Variants in GRAMD1B observed in about 807,000 individuals in gnomAD.
GRAMD1B encodes protein Aster-B.
GRAMD1B carries 37 observed loss-of-function variants against 99.7 expected under a neutral mutation model. That is an observed-to-expected ratio of 0.37 (90% CI 0.29 to 0.49). The LOEUF is 0.49. GRAMD1B is among the 20% of genes least tolerant of loss of function. GRAMD1B has a pLI of 0.98. For missense variants in GRAMD1B, 888 were observed against 1,009.2 expected, an observed-to-expected ratio of 0.88 and a Z score of 1.63; for synonymous variants, 427 against 387.6, an observed-to-expected ratio of 1.10 and a Z score of -1.19.
Position 123,622,537 on chromosome 11 carries a change from G to T in GRAMD1B, c.2576G>T (p.Gly859Val). The T allele has an allele frequency of 6.4e-7, 1 of 1,558,570 alleles. No homozygotes were observed. The highest frequency in any genetic ancestry group is 1.2e-5 in the South Asian group (1 of 84,346). Residue 859 changes from glycine to valine, a missense_variant, in exon 20 of 20, where the codon GGC becomes GTC. Gly to Val is a moderately radical substitution (Grantham distance 109, BLOSUM62 -3). Coordinates refer to ENST00000635736, the MANE Select transcript of GRAMD1B (RefSeq NM_001387025.1). ...MKDSLINLQN[G>V]IRSRDYTSES... ...GACTCGCTCATCAACCTTCAGAACG[G>T]CATCAGGTCCCGCGACTACACGTCG...
At chr11:123,564,099 G>A (rs772250286) in intron 2 of GRAMD1B, among the ~76,000 whole-genome samples, 5 of 152,184 alleles carry the variant, frequency 3.3e-5, no homozygotes, top group African/African-American at 7.2e-5. Flanking sequence ...GACATGTGGC[G>A]TGTCACAACT....
chr11:123,552,664 A>T (rs748714867), intron 2 of GRAMD1B, among the ~76,000 whole-genome samples: 1 of 152,238 alleles, frequency 6.6e-6, no homozygotes, highest in African/African-American at 2.4e-5. Flanking sequence ...GAATTTGACC[A>T]TTCTAAATTT....
chr11:123,585,018 T>A (rs1294066375), intron 4 of GRAMD1B, among the ~76,000 whole-genome samples: 5 of 152,216 alleles, frequency 3.3e-5, no homozygotes, highest in Admixed American at 2.6e-4. Context: ...AGAGCAGCTG[T>A]CTGAGGCTCT....
intron 2 of GRAMD1B, among the ~76,000 whole-genome samples, chr11:123,511,570 A>G (rs951443814): frequency 3.3e-5 from 5 of 152,156 alleles, no homozygotes; most frequent in South Asian, 2.1e-4. Flanking sequence ...TGCAGCCCCA[A>G]CCCCAGCTCC....
At chr11:123,477,399 T>G (rs1951342413) in intron 1 of GRAMD1B, among the ~76,000 whole-genome samples, 1 of 148,604 alleles carries the variant, frequency 6.7e-6, no homozygotes, top group Admixed American at 6.8e-5. Context: ...AAACGGTAAG[T>G]GGTAAATGGA....
chr11:123,577,177 C>G lies in GRAMD1B; in HGVS notation c.453-190C>G, dbSNP rs531418852. Among the ~76,000 whole-genome samples, 473 of 152,362 alleles carry G rather than the reference C, an allele frequency of 3.1e-3. 5 individuals carry two copies. The highest frequency in any genetic ancestry group is 0.013 in the Admixed American group (194 of 15,312). On this transcript the variant is annotated intron_variant, in intron 2 of 19. Coordinates refer to ENST00000635736, the MANE Select transcript of GRAMD1B (RefSeq NM_001387025.1). ...GTCCACATGGGCACTGCTGCCCTCCCGTGGCCAACGGCAGTATTACGGTGC... is the reference window on the plus strand; with the variant it reads ...GTCCACATGGGCACTGCTGCCCTCCGGTGGCCAACGGCAGTATTACGGTGC...
intron 2 of GRAMD1B, among the ~76,000 whole-genome samples, chr11:123,521,881 C>T (rs1942224324): frequency 6.6e-6 from 1 of 152,176 alleles, no homozygotes; most frequent in Admixed American, 6.5e-5. Flanking sequence ...CCCAGTTTCA[C>T]TATTTTCTGC....
At chr11:123,453,784 G>T (rs1224589657) in intron 1 of GRAMD1B, among the ~76,000 whole-genome samples, 3 of 152,196 alleles carry the variant, frequency 2.0e-5, no homozygotes, top group African/African-American at 7.2e-5. Flanking sequence ...ACCTCAGGGA[G>T]ATTTCTGGAT....
chr11:123,367,015 G>A (rs891573714), intron 1 of GRAMD1B, among the ~76,000 whole-genome samples: 3 of 152,056 alleles, frequency 2.0e-5, no homozygotes, highest in Non-Finnish European at 4.4e-5. Flanking sequence ...ACCACCCTGA[G>A]CAACATAGTG....
chr11:123,504,489 C>T (rs1940222318), intron 2 of GRAMD1B, among the ~76,000 whole-genome samples: 1 of 152,158 alleles, frequency 6.6e-6, no homozygotes, highest in African/African-American at 2.4e-5. Flanking sequence ...GAAACTTCCG[C>T]TTCAAGCCTT....
intron 2 of GRAMD1B, chr11:123,526,148 A>G (rs1303181629): frequency 6.2e-7 from 1 of 1,613,018 alleles, no homozygotes; most frequent in Admixed American, 1.7e-5. Flanking sequence ...TGACTGTACT[A>G]ATGAAAGGAT....
At position 123,478,214 on chromosome 11, in the gene GRAMD1B, G is replaced by A. The variant is rs77279773; in HGVS notation, c.375-2602G>A. ...TTTTATAGAGATGGGGTCTCACCAG[G>A]TTGCCCAGGCTGATCAGGAACTCCT... On this transcript the variant is annotated intron_variant, in intron 1 of 19. Transcript: ENST00000635736. Among the ~76,000 whole-genome samples the A allele has an allele frequency of 8.8e-3, 1,336 of 151,886 alleles. 19 individuals are homozygous for A. Among genetic ancestry groups the A allele is most frequent in the African/African-American group, 0.031 (1,269 of 41,416 alleles).
chr11:123,503,563 T>G (rs1281162189), intron 2 of GRAMD1B, among the ~76,000 whole-genome samples: 2 of 152,060 alleles, frequency 1.3e-5, no homozygotes, highest in Non-Finnish European at 2.9e-5. Context: ...TTTTTTTTTT[T>G]TGTGATGGAG....
chr11:123,457,711 T>C (rs759695158), intron 1 of GRAMD1B, among the ~76,000 whole-genome samples: 5 of 152,190 alleles, frequency 3.3e-5, no homozygotes, highest in African/African-American at 4.8e-5. Flanking sequence ...TTTCCACATA[T>C]TTTATTTTAT....
At position 123,618,363 on chromosome 11, in the gene GRAMD1B, G is replaced by A. The variant is rs745522441; in HGVS notation, c.2319-330G>A. ...CCATTAGGATCTGTTTCAGGTACTG[G>A]CTCTATGATTTCTCCTTTACCCCCT... On this transcript the variant is annotated intron_variant, in intron 17 of 19. Transcript: ENST00000635736. 28 of 1,611,614 alleles carry A rather than the reference G, an allele frequency of 1.7e-5. No homozygotes were observed. In the South Asian group the frequency reaches 1.9e-4, roughly 11 times the overall value.
chr11:123,563,834 C>T (rs1163105899), intron 2 of GRAMD1B, among the ~76,000 whole-genome samples: 4 of 152,176 alleles, frequency 2.6e-5, no homozygotes, highest in African/African-American at 7.2e-5. Flanking sequence ...CCTGGGATTT[C>T]GTACCCTGAA....
At chr11:123,405,191 CAT>C (rs1491578631) in intron 1 of GRAMD1B, among the ~76,000 whole-genome samples, 5 of 107,776 alleles carry the variant, frequency 4.6e-5, no homozygotes, top group South Asian at 2.6e-4. Context: ...ATCATGTGTG[CAT>C]GTGTGTGTGT....
At chr11:123,358,432 C>T (rs1477991042) in exon 1 of GRAMD1B, 2 of 152,176 alleles carry the variant, frequency 1.3e-5, no homozygotes, top group African/African-American at 2.4e-5. Context: ...GCGGTGACAC[C>T]TAGCCTCGGA....
chr11:123,537,894 C>T (rs564180932), intron 2 of GRAMD1B, among the ~76,000 whole-genome samples: 2 of 152,262 alleles, frequency 1.3e-5, no homozygotes, highest in South Asian at 2.1e-4. Flanking sequence ...TGGTTTTTCT[C>T]GCTTGTTGCA....
Sources: allele counts gnomAD v4.1 joint callset (sites outside exome capture counted in the v4.1 genomes callset), GRCh38; gene constraint gnomAD v4.1.1; transcripts MANE v1.5; gene names NCBI Gene and HGNC (gene_info 2026-07-23, HGNC 2026-07-21).